The following NETO1 variants were observed in gnomAD, a reference collection of about 807,000 sequenced individuals.
The protein encoded by NETO1 is neuropilin and tolloid like 1, also known as neuropilin and tolloid-like protein 1.
Under a neutral mutation model 61.3 loss-of-function variants are expected in NETO1, and 26 were observed. The observed-to-expected ratio is 0.42, with a 90% CI of 0.31 to 0.59. The LOEUF (loss-of-function observed/expected upper bound fraction) is 0.59. Among genes scored for constraint, NETO1 ranks in the 20% least tolerant of loss-of-function variants. The probability of loss-of-function intolerance (pLI) is 0.12; values close to 1 mark genes in which losing one functional copy is unlikely to be tolerated. For missense variants in NETO1, 531 were observed against 662.8 expected, an observed-to-expected ratio of 0.80 and a Z score of 2.18; for synonymous variants, 225 against 225.8, an observed-to-expected ratio of 1.00 and a Z score of 0.03.
chr18:72,781,967 CA>C (rs1013787233), intron 7 of NETO1, among the ~76,000 whole-genome samples: 1 of 152,046 alleles, frequency 6.6e-6, no homozygotes, highest in Admixed American at 6.6e-5. Context: ...GCATAGTACC[CA>C]ACAGGGGTAC....
chr18:72,785,613 T>A (rs995139450), intron 6 of NETO1, among the ~76,000 whole-genome samples: 1 of 152,242 alleles, frequency 6.6e-6, no homozygotes, highest in Admixed American at 6.5e-5. Context: ...TATGTATACA[T>A]GTGCCATGTT....
intron 7 of NETO1, among the ~76,000 whole-genome samples, chr18:72,762,746 T>A (rs2071020545): frequency 6.6e-6 from 1 of 152,140 alleles, no homozygotes; most frequent in Admixed American, 6.5e-5. Context: ...CAGACTTCAG[T>A]GAAGGAGCTT....
intron 7 of NETO1, among the ~76,000 whole-genome samples, chr18:72,757,165 AT>A (rs1228220791): frequency 6.6e-6 from 1 of 152,150 alleles, no homozygotes; most frequent in East Asian, 1.9e-4. Flanking sequence ...CACATGAAAC[AT>A]ATGAATTTCC....
At chr18:72,809,098 G>C (rs1568216776) in intron 4 of NETO1, among the ~76,000 whole-genome samples, 2 of 152,152 alleles carry the variant, frequency 1.3e-5, no homozygotes. Flanking sequence ...GGCAGAATCT[G>C]TAAGTTCTAG....
intron 4 of NETO1, among the ~76,000 whole-genome samples, chr18:72,826,850 C>T (rs532084769): frequency 6.6e-6 from 1 of 152,120 alleles, no homozygotes; most frequent in African/African-American, 2.4e-5. Flanking sequence ...GGGAAGCCTC[C>T]GATCCTAGGC....
In NETO1 at chr18:72,747,473, TA is replaced by T. The variant is rs2070454956; in HGVS notation, c.*705del. 7.1e-6 allele frequency: 1 copy of T among 141,006 alleles called. No homozygotes were observed. Among genetic ancestry groups the T allele is most frequent in the South Asian group, 2.4e-4 (1 of 4,112 alleles). 8.7% of individuals were successfully genotyped at this position (141,006 alleles called of 1,614,324 possible). On this transcript the variant is annotated 3_prime_UTR_variant, in exon 11 of 11. Transcript: ENST00000327305. ...CATTTCTACTGTAGAGTATGAATGG[TA>T]AAATACCTGACTTCAAAAAGGATTT...
chr18:72,859,482 T>G (rs2074504424), intron 3 of NETO1, among the ~76,000 whole-genome samples: 1 of 152,196 alleles, frequency 6.6e-6, no homozygotes, highest in Non-Finnish European at 1.5e-5. Flanking sequence ...TAGAGTTATA[T>G]TAAATATAAT....
rs1350718787 is a variant in NETO1, at chr18:72,744,104, T to G, written c.*4075A>C. ...CTACCTCTGAGGAACTAGAGGCATTTTAAGAGAGCATTTACCTCTTTAATA... is the reference window on the plus strand; with the variant it reads ...CTACCTCTGAGGAACTAGAGGCATTGTAAGAGAGCATTTACCTCTTTAATA... On this transcript the variant is annotated 3_prime_UTR_variant, in exon 11 of 11. Coordinates refer to ENST00000327305, the MANE Select transcript of NETO1 (RefSeq NM_138966.5). 3 of 152,166 alleles carry G rather than the reference T, an allele frequency of 2.0e-5. No individual in the cohort carries two copies. Among genetic ancestry groups the G allele is most frequent in the African/African-American group, 2.4e-5 (1 of 41,438 alleles). 9.4% of individuals were successfully genotyped at this position (152,166 alleles called of 1,614,324 possible). A position where few individuals can be genotyped will look rare whatever the true frequency, so the allele number is the denominator to read the frequency against.
intron 7 of NETO1, among the ~76,000 whole-genome samples, chr18:72,760,955 A>G (rs1358424623): frequency 2.0e-5 from 3 of 152,224 alleles, no homozygotes; most frequent in Admixed American, 2.0e-4. Context: ...AAACCATAAC[A>G]GATACTGTCA....
chr18:72,828,028 T>C (rs1261056210), intron 4 of NETO1, among the ~76,000 whole-genome samples: 3 of 152,130 alleles, frequency 2.0e-5, no homozygotes, highest in African/African-American at 7.2e-5. Flanking sequence ...AAATTAAAAA[T>C]GCAGCCAGGC....
chr18:72,755,523 A>G (rs1470281365), intron 8 of NETO1, among the ~76,000 whole-genome samples: 1 of 152,162 alleles, frequency 6.6e-6, no homozygotes. Context: ...CAAGGGAAGG[A>G]GGCAAGGGCT....
chr18:72,755,731 A>G (rs7238814), intron 8 of NETO1, among the ~76,000 whole-genome samples: 38,710 of 151,874 alleles, frequency 0.25, 5,372 homozygotes, highest in Admixed American at 0.35. Flanking sequence ...CACACATGAC[A>G]GGAAAGTAGT....
chr18:72,762,802 G>T (rs770358432), intron 7 of NETO1, among the ~76,000 whole-genome samples: 1 of 152,146 alleles, frequency 6.6e-6, no homozygotes, highest in Non-Finnish European at 1.5e-5. Context: ...GAAAGCATGT[G>T]CAGTAACTCC....
chr18:72,842,332 GT>G (rs1327383425), intron 4 of NETO1, among the ~76,000 whole-genome samples: 1 of 152,024 alleles, frequency 6.6e-6, no homozygotes, highest in Non-Finnish European at 1.5e-5. Flanking sequence ...GAATATTATT[GT>G]TACGAGTTTC....
At chr18:72,742,521 G>A (rs2070359748), downstream of NETO1, 1 of 152,200 alleles carries the variant, frequency 6.6e-6, no homozygotes, top group African/African-American at 2.4e-5. Flanking sequence ...CTCACACGCT[G>A]TAAGGTGGAG....
intron 4 of NETO1, among the ~76,000 whole-genome samples, chr18:72,845,694 A>C (rs1031954672): frequency 2.6e-5 from 4 of 152,258 alleles, no homozygotes; most frequent in African/African-American, 9.6e-5. Context: ...GGGGAAGTAT[A>C]GGTTACAGGA....
chr18:72,842,167 A>G, intron 4 of NETO1, among the ~76,000 whole-genome samples: 1 of 152,198 alleles, frequency 6.6e-6, no homozygotes. Flanking sequence ...TGTGGGGGGA[A>G]ATGTTCAAAA....
At chr18:72,762,685 T>C (rs1321488427) in intron 7 of NETO1, among the ~76,000 whole-genome samples, 1 of 152,218 alleles carries the variant, frequency 6.6e-6, no homozygotes, top group Non-Finnish European at 1.5e-5. Context: ...TGAATTCTGT[T>C]TTTAAACCCT....
chr18:72,838,513 A>G (rs1170358494), intron 4 of NETO1, among the ~76,000 whole-genome samples: 1 of 152,222 alleles, frequency 6.6e-6, no homozygotes, highest in Non-Finnish European at 1.5e-5. Flanking sequence ...GTGGTAGTAC[A>G]GGCTTGACTT....
Sources: allele counts gnomAD v4.1 joint callset (sites outside exome capture counted in the v4.1 genomes callset), GRCh38; gene constraint gnomAD v4.1.1; transcripts MANE v1.5; gene names NCBI Gene and HGNC (gene_info 2026-07-23, HGNC 2026-07-21).